The following RBFOX1 variants were observed in gnomAD, a reference collection of about 807,000 sequenced individuals.
RBFOX1 encodes the protein RNA binding protein fox-1 homolog 1.
Under a neutral mutation model 57.7 loss-of-function variants are expected in RBFOX1, and 8 were observed. That is an observed-to-expected ratio of 0.14 (90% CI 0.08 to 0.25). The LOEUF (loss-of-function observed/expected upper bound fraction) is 0.25, where lower values mean the gene tolerates loss of function less well. RBFOX1 is among the 10% of genes least tolerant of loss of function. The pLI, the probability that RBFOX1 is intolerant of heterozygous loss-of-function variation, is 1.00. For missense variants in RBFOX1, 611 were observed against 548.5 expected, an observed-to-expected ratio of 1.11 and a Z score of -1.14; for synonymous variants, 326 against 222.4, an observed-to-expected ratio of 1.47 and a Z score of -4.15.
chr16:7,402,554 G>C (rs1029363559), intron 4 of RBFOX1, among the ~76,000 whole-genome samples: 3 of 152,168 alleles, frequency 2.0e-5, no homozygotes, highest in Non-Finnish European at 4.4e-5. Flanking sequence ...CAAAGTATGT[G>C]AACTTTGGTA....
chr16:7,043,950 A>C (rs1296319547), intron 3 of RBFOX1, among the ~76,000 whole-genome samples: 1 of 152,156 alleles, frequency 6.6e-6, no homozygotes, highest in Non-Finnish European at 1.5e-5. Flanking sequence ...AAAATACACT[A>C]ATACCTTTTT....
rs377281850 is a variant in RBFOX1, at chr16:6,899,995, T to C, written c.-15-152062T>C. Among the ~76,000 whole-genome samples the C allele has an allele frequency of 7.2e-5, 11 of 152,196 alleles. No individual in the cohort carries two copies. The East Asian group carries it at 2.1e-3, about 29-fold the overall frequency. On this transcript the variant is annotated intron_variant, in intron 3 of 15. Transcript: ENST00000550418. Reference sequence around the variant, plus strand: ...GTTAATTTGCCTTTCTGTGCTTCTGTTTCCTTATTTATAACAGGAGGATGC... The same window carrying C: ...GTTAATTTGCCTTTCTGTGCTTCTGCTTCCTTATTTATAACAGGAGGATGC...
At chr16:5,826,250 G>C (rs116926669) in intron 3 of RBFOX1, among the ~76,000 whole-genome samples, 3,086 of 151,340 alleles carry the variant, frequency 0.02, 29 homozygotes, top group Non-Finnish European at 0.03. Context: ...TCTTCCCTTA[G>C]CACTTTTTAT....
At chr16:7,630,466 G>C in intron 10 of RBFOX1, 137 bp from the exon 11 acceptor site, 2 of 1,514,526 alleles carry the variant, frequency 1.3e-6, no homozygotes, top group Non-Finnish European at 1.8e-6. Context: ...AGGGGGCTTT[G>C]TTGGGTACCC....
At chr16:7,388,366 C>T (rs915835214) in intron 4 of RBFOX1, among the ~76,000 whole-genome samples, 3 of 152,198 alleles carry the variant, frequency 2.0e-5, no homozygotes, top group African/African-American at 7.2e-5. Context: ...CTGATGAATA[C>T]TGTCTGAACA....
intron 1 of RBFOX1, among the ~76,000 whole-genome samples, chr16:5,297,869 G>A (rs2063706969): frequency 1.3e-5 from 2 of 152,178 alleles, no homozygotes; most frequent in Non-Finnish European, 2.9e-5. Context: ...AATTCTCTCT[G>A]ATTTGTATGA....
At chr16:7,328,207 C>G (rs554367189) in intron 4 of RBFOX1, among the ~76,000 whole-genome samples, 3 of 152,154 alleles carry the variant, frequency 2.0e-5, no homozygotes, top group African/African-American at 7.2e-5. Flanking sequence ...AGGTTCTGGG[C>G]GCGGTGGCTC....
At chr16:6,420,787 A>C (rs1464529998) in intron 2 of RBFOX1, among the ~76,000 whole-genome samples, 1 of 152,216 alleles carries the variant, frequency 6.6e-6, no homozygotes, top group Admixed American at 6.5e-5. Flanking sequence ...GAGATGATTC[A>C]AGAGGCAAAG....
At chr16:6,419,995 T>C (rs2093730066) in intron 2 of RBFOX1, among the ~76,000 whole-genome samples, 1 of 152,164 alleles carries the variant, frequency 6.6e-6, no homozygotes, top group African/African-American at 2.4e-5. Flanking sequence ...TAGATTTCAC[T>C]GAGCTGTTAA....
intron 3 of RBFOX1, among the ~76,000 whole-genome samples, chr16:6,926,139 C>T (rs148363849): frequency 5.3e-5 from 8 of 151,872 alleles, no homozygotes; most frequent in African/African-American, 1.7e-4. Context: ...AACCCTGTCT[C>T]TACTAAAAAT....
At chr16:6,853,505 C>T (rs7200619) in intron 3 of RBFOX1, among the ~76,000 whole-genome samples, 1 of 151,902 alleles carries the variant, frequency 6.6e-6, no homozygotes, top group African/African-American at 2.4e-5. Flanking sequence ...AGGACAATCC[C>T]TGTCTGCTTG....
intron 4 of RBFOX1, among the ~76,000 whole-genome samples, chr16:7,495,917 TCAG>T (rs747853925): frequency 6.6e-6 from 1 of 152,048 alleles, no homozygotes; most frequent in Non-Finnish European, 1.5e-5. Context: ...TTTTTGAAAA[TCAG>T]CAGAATTTCA....
rs182892911 is a variant in RBFOX1 at position 5,264,012 on chromosome 16, A to T, written c.219+23907A>T. On this transcript the variant is annotated intron_variant, in intron 1 of 2. Transcript: ENST00000585867. Reference sequence around the variant, plus strand: ...CATCAATGGGGTATGGAGATTTTCCAGGTGGGTGTGGTTGAAGGCAGGGAA... The same window carrying T: ...CATCAATGGGGTATGGAGATTTTCCTGGTGGGTGTGGTTGAAGGCAGGGAA... Among the ~76,000 whole-genome samples, 33 of 152,306 alleles carry T rather than the reference A, an allele frequency of 2.2e-4. No homozygotes were observed. The East Asian group carries it at 5.0e-3, about 23-fold the overall frequency.
chr16:7,481,943 A>G (rs888633795), intron 4 of RBFOX1, among the ~76,000 whole-genome samples: 7 of 152,206 alleles, frequency 4.6e-5, no homozygotes, highest in African/African-American at 1.2e-4. Context: ...TGAAAGTGAA[A>G]AACAGTATGG....
chr16:6,885,529 T>A (rs888448473), intron 3 of RBFOX1, among the ~76,000 whole-genome samples: 4 of 133,830 alleles, frequency 3.0e-5, no homozygotes, highest in Admixed American at 7.3e-5. Context: ...ATTTTATTTT[T>A]TTATTTTTTT....
At chr16:6,136,197 G>C (rs1300825175) in intron 1 of RBFOX1, among the ~76,000 whole-genome samples, 1 of 152,112 alleles carries the variant, frequency 6.6e-6, no homozygotes, top group Non-Finnish European at 1.5e-5. Context: ...GTAAGACCTG[G>C]AGATTCGGAG....
intron 2 of RBFOX1, among the ~76,000 whole-genome samples, chr16:6,453,161 G>A (rs1417856768): frequency 6.6e-6 from 1 of 151,736 alleles, no homozygotes; most frequent in East Asian, 2.0e-4. Context: ...TGTACAGAAC[G>A]TGCAAGTTCG....
intron 3 of RBFOX1, among the ~76,000 whole-genome samples, chr16:5,651,713 G>T (rs1006351330): frequency 6.6e-6 from 1 of 152,146 alleles, no homozygotes; most frequent in Admixed American, 6.5e-5. Context: ...ACCCATCCCT[G>T]CCTGCTTTTT....
At chr16:6,757,808 A>C (rs1057481727) in intron 3 of RBFOX1, among the ~76,000 whole-genome samples, 2 of 152,216 alleles carry the variant, frequency 1.3e-5, no homozygotes, top group Non-Finnish European at 2.9e-5. Flanking sequence ...AAATGTCTCC[A>C]ACCATAGAAA....
Sources: gnomAD v4.1 joint callset for allele counts (sites outside exome capture counted in the v4.1 genomes callset) on GRCh38, gnomAD v4.1.1 for gene constraint, MANE v1.5 for transcripts, NCBI Gene and HGNC (gene_info 2026-07-23, HGNC 2026-07-21) for gene names.